RAB11FIP1: variants seen among roughly 807,000 people sequenced by gnomAD.
The protein encoded by RAB11FIP1 is rab11 family-interacting protein 1.
A neutral mutation model predicts 83.1 loss-of-function variants in RAB11FIP1; 49 were observed. The observed-to-expected ratio is 0.59, with a 90% CI of 0.47 to 0.75. RAB11FIP1 has a LOEUF of 0.75. RAB11FIP1 is among the 30% of genes least tolerant of loss of function. The probability of loss-of-function intolerance (pLI) is 0.00; values close to 1 mark genes in which losing one functional copy is unlikely to be tolerated. For synonymous variants in RAB11FIP1, 670 were observed against 656.0 expected (o/e 1.02, Z -0.33); for missense variants, 1,536 against 1,598.7 (o/e 0.96, Z 0.67).
chr8:37,893,754 C>T (rs2130195597), intron 1 of RAB11FIP1, among the ~76,000 whole-genome samples: 2 of 152,098 alleles, frequency 1.3e-5, no homozygotes, highest in South Asian at 4.2e-4. Context: ...CATGTCACTG[C>T]ACTCCAGCCT....
rs199966353 is a variant in RAB11FIP1 at position 37,877,276 on chromosome 8, T to G, written c.647A>C (p.Lys216Thr). 1 of 1,614,172 alleles carries G rather than the reference T, an allele frequency of 6.2e-7. No individual in the cohort carries two copies. The highest frequency in any genetic ancestry group is 8.5e-7 in the Non-Finnish European group (1 of 1,180,036). ...TGACTTGGAAAGTAAGGTCTTGATC[T>G]TTGATTTCTTTTTCTTGTCTTTAAC... Reference protein sequence around the residue: ...SVVKDKKKKSKIKTLLSKSNL... With the variant: ...SVVKDKKKKSTIKTLLSKSNL... Residue 216 changes from lysine (K) to threonine (T), a missense_variant, in exon 2 of 6, where the codon AAG becomes ACG. Coordinates refer to ENST00000330843, the MANE Select transcript of RAB11FIP1 (RefSeq NM_001002814.3).
intron 1 of RAB11FIP1, among the ~76,000 whole-genome samples, chr8:37,883,071 A>T (rs528923347): frequency 6.6e-6 from 1 of 152,368 alleles, no homozygotes; most frequent in Admixed American, 6.5e-5. Context: ...ATCACAGGCC[A>T]GCAGGGAAAC....
intron 1 of RAB11FIP1, among the ~76,000 whole-genome samples, chr8:37,887,621 T>C (rs1806859979): frequency 6.6e-6 from 1 of 151,924 alleles, no homozygotes; most frequent in Non-Finnish European, 1.5e-5. Context: ...CTTTTTCCCA[T>C]ACATTTTAAC....
rs1203031308 is a variant in RAB11FIP1 at position 37,871,789 on chromosome 8, C to T, written c.3013G>A (p.Val1005Ile). 1.2e-6 allele frequency: 2 copies of T among 1,614,104 alleles called. No homozygotes were observed. Among genetic ancestry groups the T allele is most frequent in the South Asian group, 1.1e-5 (1 of 91,082 alleles). Reference protein sequence around the residue: ...DIGALSLGLVVPCPERGKGPS... With the variant: ...DIGALSLGLVIPCPERGKGPS... ...CCCTTTCCCCTCTCAGGACAGGGGA[C>T]TACCAAGCCCAAGGACAAAGCTCCT... Residue 1005 changes from valine (V) to isoleucine (I), a missense_variant, in exon 4 of 6, where the codon GTC becomes ATC. Physicochemically the swap from Val to Ile is conservative, Grantham distance 29. Transcript: ENST00000330843.
intron 5 of RAB11FIP1, among the ~76,000 whole-genome samples, chr8:37,865,827 T>G (rs1349487439): frequency 6.6e-6 from 1 of 152,200 alleles, no homozygotes; most frequent in African/African-American, 2.4e-5. Context: ...CAATTATATA[T>G]AACATTTTTA....
In RAB11FIP1 at chr8:37,860,679, T is replaced by C. The variant is rs939993337; in HGVS notation, c.*2216A>G. The stretch of plus-strand genomic sequence containing the variant: ...TACATTTTCAGAGTTCAAGTGAACA[T>C]ACAGTTTTCTTTATAAGTATGTAAA... On this transcript the variant is annotated 3_prime_UTR_variant, in exon 6 of 6. Coordinates refer to ENST00000330843, the MANE Select transcript of RAB11FIP1 (RefSeq NM_001002814.3). 2.4e-4 allele frequency: 37 copies of C among 152,672 alleles called. No individual in the cohort carries two copies. The highest frequency in any genetic ancestry group is 8.7e-4 in the African/African-American group (36 of 41,456). The allele number at this position is 152,672 out of a possible 1,614,324, so 9.5% of individuals were successfully genotyped here.
At position 37,888,470 on chromosome 8, in the gene RAB11FIP1, TA is replaced by T. The variant is rs552561572; in HGVS notation, c.371+10600del. ...AACCATGATCAGTGTGTACTTTCTT[TA>T]AAAAAAAAAATGTATTTGTTTTCAT... On this transcript the variant is annotated intron_variant, in intron 1 of 5. Transcript: ENST00000330843. 1.2e-3 allele frequency among the ~76,000 whole-genome samples: 183 copies of T among 147,760 alleles called. 4 individuals carry two copies. The South Asian group carries it at 0.028, about 23-fold the overall frequency.
Position 37,871,824 on chromosome 8 carries a change from G to A in RAB11FIP1, c.2978C>T (p.Thr993Ile), listed in dbSNP as rs754828926. 9.9e-6 allele frequency: 16 copies of A among 1,614,072 alleles called. No individual in the cohort carries two copies. The African/African-American group carries it at 1.3e-4, about 13-fold the overall frequency. Residue 993 changes from threonine to isoleucine, a missense_variant, in exon 4 of 6, where the codon ACT (threonine) becomes ATT (isoleucine). Physicochemically the swap from Thr to Ile is moderately conservative, Grantham distance 89. Transcript: ENST00000330843. Reference protein sequence around the residue: ...EDDGETAKSSTLDIGALSLGL... With the variant: ...EDDGETAKSSILDIGALSLGL... Reference sequence around the variant, plus strand: ...CAAGGACAAAGCTCCTATGTCCAGAGTTGACGACTTTGCTGTCTCTCCATC... The same window carrying A: ...CAAGGACAAAGCTCCTATGTCCAGAATTGACGACTTTGCTGTCTCTCCATC...
rs184916599 is a variant in RAB11FIP1 at position 37,859,363 on chromosome 8, C to T, written c.*3532G>A. 3.1e-4 allele frequency: 47 copies of T among 152,316 alleles called. No individual in the cohort carries two copies. In the East Asian group the frequency reaches 8.7e-3, roughly 28 times the overall value. 9.4% of individuals were successfully genotyped at this position (152,316 alleles called of 1,614,324 possible). A position where few individuals can be genotyped will look rare whatever the true frequency, so the allele number is the denominator to read the frequency against. On this transcript the variant is annotated 3_prime_UTR_variant, in exon 6 of 6. Coordinates refer to ENST00000330843, the MANE Select transcript of RAB11FIP1 (RefSeq NM_001002814.3). ...GCATCATGGACCTTCCTCCCTCTGC[C>T]CCGTTGAGCTCCCACTGTTAGCAAA...
chr8:37,885,982 T>A (rs1174938671), intron 1 of RAB11FIP1, among the ~76,000 whole-genome samples: 1 of 152,234 alleles, frequency 6.6e-6, no homozygotes, highest in Admixed American at 6.5e-5. Flanking sequence ...CTGCAGATAT[T>A]CACGATTACG....
intron 5 of RAB11FIP1, among the ~76,000 whole-genome samples, chr8:37,869,389 C>T (rs531000914): frequency 2.2e-4 from 33 of 151,676 alleles, no homozygotes; most frequent in African/African-American, 7.5e-4. Context: ...GTCAGGAGTT[C>T]GAGATGAGCG....
intron 5 of RAB11FIP1, among the ~76,000 whole-genome samples, chr8:37,864,675 C>T (rs1189914523): frequency 6.6e-6 from 1 of 152,184 alleles, no homozygotes; most frequent in Non-Finnish European, 1.5e-5. Flanking sequence ...ACAACACCAA[C>T]GTTTCCATAG....
intron 1 of RAB11FIP1, among the ~76,000 whole-genome samples, chr8:37,878,333 G>A (rs1375338773): frequency 1.3e-5 from 2 of 151,186 alleles, no homozygotes; most frequent in Non-Finnish European, 2.9e-5. Flanking sequence ...AGGAGTTCGA[G>A]ACCAGCCTGG....
intron 1 of RAB11FIP1, among the ~76,000 whole-genome samples, chr8:37,886,433 T>A (rs971766164): frequency 9.2e-5 from 14 of 152,210 alleles, no homozygotes; most frequent in African/African-American, 2.9e-4. Flanking sequence ...TGCATCCCCG[T>A]ATTAAACACA....
rs1157101966 is a variant in RAB11FIP1, at chr8:37,895,218, AATATATATATATATAT to A, written c.371+3837_371+3852del. Reference sequence around the variant, plus strand: ...ATAGCTGGGACTACAGGTGCCTGCCAATATATATATATATATATATATATATATATATATATATATA... The same window carrying A: ...ATAGCTGGGACTACAGGTGCCTGCCAATATATATATATATATATATATATA... On this transcript the variant is annotated intron_variant, in intron 1 of 5. Coordinates refer to ENST00000330843, the MANE Select transcript of RAB11FIP1 (RefSeq NM_001002814.3). Among the ~76,000 whole-genome samples, 120 of 13,700 alleles carry A rather than the reference AATATATATATATATAT, an allele frequency of 8.8e-3. 2 individuals are homozygous for A. The highest frequency in any genetic ancestry group is 0.012 in the Admixed American group (7 of 590). The allele number at this position is 13,700 out of a possible 152,430, so 9.0% of individuals were successfully genotyped here. A position where few individuals can be genotyped will look rare whatever the true frequency, so the allele number is the denominator to read the frequency against.
intron 4 of RAB11FIP1, 183 bp from the exon 5 acceptor site, chr8:37,870,711 G>A (rs1806435759): frequency 1.3e-5 from 7 of 519,324 alleles, no homozygotes; most frequent in South Asian, 6.1e-5. Flanking sequence ...GTCAGGACAG[G>A]GCTGCCACAT....
At position 37,875,015 on chromosome 8, in the gene RAB11FIP1, C is replaced by A. The variant is rs764122436; in HGVS notation, c.1122G>T (p.Gly374=). The change falls in exon 3 of 6, where the codon GGG becomes GGT. Residue 374 remains glycine, a synonymous_variant. Coordinates refer to ENST00000330843, the MANE Select transcript of RAB11FIP1 (RefSeq NM_001002814.3). Reference sequence around the variant, plus strand: ...CGGAGAGCTGCCTGTCAGAAGACAGCCCACCTCCTTCAGCAGGCTCCTTCC... The same window carrying A: ...CGGAGAGCTGCCTGTCAGAAGACAGACCACCTCCTTCAGCAGGCTCCTTCC... The part of the protein sequence containing the change: ...GSWKEPAEGG[G]LSSDRQLSES... 1 of 1,613,988 alleles carries A rather than the reference C, an allele frequency of 6.2e-7. No individual in the cohort carries two copies. Among genetic ancestry groups the A allele is most frequent in the African/African-American group, 1.3e-5 (1 of 74,896 alleles).
intron 5 of RAB11FIP1, among the ~76,000 whole-genome samples, chr8:37,866,215 G>T (rs998064526): frequency 6.6e-6 from 1 of 151,920 alleles, no homozygotes; most frequent in African/African-American, 2.4e-5. Context: ...GGCACCTGTA[G>T]TCCCAGCTAC....
At chr8:37,895,911 A>G (rs1807078991) in intron 1 of RAB11FIP1, among the ~76,000 whole-genome samples, 1 of 152,104 alleles carries the variant, frequency 6.6e-6, no homozygotes, top group Non-Finnish European at 1.5e-5. Flanking sequence ...CAATCTACAG[A>G]CCAAGATTTT....
Sources: allele counts gnomAD v4.1 joint callset (sites outside exome capture counted in the v4.1 genomes callset), GRCh38; gene constraint gnomAD v4.1.1; transcripts MANE v1.5; gene names NCBI Gene and HGNC (gene_info 2026-07-23, HGNC 2026-07-21).